SRGAP3: variants seen among roughly 807,000 people sequenced by gnomAD.
The protein encoded by SRGAP3 is SLIT-ROBO Rho GTPase-activating protein 3.
A neutral mutation model predicts 121.1 loss-of-function variants in SRGAP3; 39 were observed. The ratio of observed to expected loss-of-function variants is 0.32; its 90% confidence interval spans 0.25 to 0.42. The LOEUF (loss-of-function observed/expected upper bound fraction) is 0.42, where lower values mean the gene tolerates loss of function less well. Among genes scored for constraint, SRGAP3 ranks in the 10% least tolerant of loss-of-function variants. SRGAP3 has a pLI of 1.00. For missense variants in SRGAP3, 1,213 were observed against 1,470.6 expected, an observed-to-expected ratio of 0.82 and a Z score of 2.86; for synonymous variants, 601 against 570.0, an observed-to-expected ratio of 1.05 and a Z score of -0.77.
chr3:9,202,214 G>C (rs1416329437), intron 1 of SRGAP3, among the ~76,000 whole-genome samples: 1 of 152,222 alleles, frequency 6.6e-6, no homozygotes, highest in Admixed American at 6.5e-5. Context: ...GCTATGGCGG[G>C]AGCAGCAGCC....
At chr3:9,019,034 T>C (rs562268413) in intron 14 of SRGAP3, among the ~76,000 whole-genome samples, 13 of 152,234 alleles carry the variant, frequency 8.5e-5, no homozygotes, top group Non-Finnish European at 1.8e-4. Flanking sequence ...CACAGAGATC[T>C]TCCTCTATTT....
At chr3:9,271,945 G>T (rs554304629) in intron 3 of SRGAP3, among the ~76,000 whole-genome samples, 1 of 152,140 alleles carries the variant, frequency 6.6e-6, no homozygotes, top group Non-Finnish European at 1.5e-5. Context: ...AATTATAGTC[G>T]TTCTGGAATA....
At chr3:9,260,621 A>C (rs1196129005) in intron 3 of SRGAP3, among the ~76,000 whole-genome samples, 2 of 152,360 alleles carry the variant, frequency 1.3e-5, no homozygotes, top group East Asian at 3.9e-4. Context: ...TGGGCAGGGC[A>C]TCTCTGAAAG....
chr3:9,321,496 T>C (rs954631225), intron 3 of SRGAP3, among the ~76,000 whole-genome samples: 2 of 151,902 alleles, frequency 1.3e-5, no homozygotes, highest in Non-Finnish European at 2.9e-5. Flanking sequence ...GCATCAGGAC[T>C]GAGTGAAAAA....
At chr3:9,349,562 T>A (rs1178424608) in intron 1 of SRGAP3, 1 of 178,772 alleles carries the variant, frequency 5.6e-6, no homozygotes, top group African/African-American at 2.4e-5. Context: ...GTTAAGCCAC[T>A]GCCTGGGGGC....
chr3:9,106,130 G>C (rs1186892425), intron 2 of SRGAP3, among the ~76,000 whole-genome samples: 1 of 152,180 alleles, frequency 6.6e-6, no homozygotes, highest in African/African-American at 2.4e-5. Flanking sequence ...ATCTGTATTT[G>C]CCAAAGACCC....
intron 5 of SRGAP3, 69 bp from the exon 6 acceptor site, chr3:9,060,428 C>CA (rs763413064): frequency 1.7e-6 from 2 of 1,176,824 alleles, no homozygotes; most frequent in East Asian, 3.2e-5. Context: ...TTTTCTATTC[C>CA]TTTTTTTTTT....
At chr3:9,121,124 A>G (rs973427709) in intron 2 of SRGAP3, among the ~76,000 whole-genome samples, 2 of 152,200 alleles carry the variant, frequency 1.3e-5, no homozygotes, top group African/African-American at 4.8e-5. Flanking sequence ...AAAGTGGACT[A>G]GATAGACCAA....
rs150853659 is a variant in SRGAP3 at position 9,269,655 on chromosome 3, G to T, written n.442+56355C>A. ...TCATGCTGTGTGGGGATGAGAGGGA[G>T]TAAGGAGGCCTTTCACAAATGTGGT... On this transcript the variant is annotated intron_variant and non_coding_transcript_variant, in intron 3 of 3. Coordinates refer to the SRGAP3 transcript ENST00000490889. Among the ~76,000 whole-genome samples, 131 of 152,320 alleles carry T rather than the reference G, an allele frequency of 8.6e-4. 1 individual carries two copies. The highest frequency in any genetic ancestry group is 3.0e-3 in the African/African-American group (124 of 41,552).
chr3:9,232,089 T>C (rs1953231509), intron 1 of SRGAP3, among the ~76,000 whole-genome samples: 3 of 152,208 alleles, frequency 2.0e-5, no homozygotes, highest in African/African-American at 7.2e-5. Flanking sequence ...ACTTCCTCAC[T>C]GCGTGGGGGA....
intron 1 of SRGAP3, among the ~76,000 whole-genome samples, chr3:9,170,134 G>A (rs905865879): frequency 2.6e-5 from 4 of 152,164 alleles, no homozygotes; most frequent in Non-Finnish European, 5.9e-5. Flanking sequence ...TTTGATCACT[G>A]CCGTTTAGAC....
At chr3:9,186,611 C>T (rs1354485276) in intron 1 of SRGAP3, among the ~76,000 whole-genome samples, 3 of 152,134 alleles carry the variant, frequency 2.0e-5, no homozygotes, top group African/African-American at 4.8e-5. Context: ...GGGAACCTGA[C>T]CTTCAGAGAA....
chr3:9,128,246 T>C (rs1053949835), intron 1 of SRGAP3, among the ~76,000 whole-genome samples: 1 of 152,220 alleles, frequency 6.6e-6, no homozygotes, highest in Non-Finnish European at 1.5e-5. Flanking sequence ...TAATGATTTA[T>C]CAAATGTGTA....
chr3:9,294,550 C>A (rs945467815), intron 3 of SRGAP3, among the ~76,000 whole-genome samples: 269 of 125,372 alleles, frequency 2.1e-3, no homozygotes, highest in African/African-American at 5.8e-3. Flanking sequence ...AACAAACAAA[C>A]AAAAAAAAAC....
chr3:9,027,987 G>T, intron 12 of SRGAP3: 1 of 1,275,074 alleles, frequency 7.8e-7, no homozygotes, highest in South Asian at 1.2e-5. Context: ...CCAGGGACAG[G>T]ACAAGAATAT....
chr3:9,126,577 T>C (rs1233937165), intron 1 of SRGAP3, among the ~76,000 whole-genome samples: 1 of 151,956 alleles, frequency 6.6e-6, no homozygotes, highest in South Asian at 2.1e-4. Context: ...TTGCACGCCA[T>C]TGCACTCCAG....
rs199643153 is a variant in SRGAP3 at position 8,990,602 on chromosome 3, G to A, written c.2796C>T (p.Ser932=). ...SINYPDKKAL[S]EGHSMRSTCG... ...AGGTCGACCTCATCGAGTGCCCTTC[G>A]GAGAGCGCCTTCTTGTCAGGGTAGT... Residue 932 remains serine (S), a synonymous_variant, in exon 21 of 22, where the codon TCC becomes TCT. Coordinates refer to ENST00000383836, the MANE Select transcript of SRGAP3 (RefSeq NM_014850.4). 49 of 1,608,606 alleles carry A rather than the reference G, an allele frequency of 3.0e-5. No homozygotes were observed. Among genetic ancestry groups the A allele is most frequent in the East Asian group, 1.6e-4 (7 of 44,632 alleles).
At chr3:9,000,113 T>G (rs536354554) in intron 18 of SRGAP3, among the ~76,000 whole-genome samples, 1 of 152,342 alleles carries the variant, frequency 6.6e-6, no homozygotes, top group African/African-American at 2.4e-5. Flanking sequence ...CTTTACCATC[T>G]TCTAGTCACA....
intron 1 of SRGAP3, among the ~76,000 whole-genome samples, chr3:9,346,044 G>A (rs1955884916): frequency 6.6e-6 from 1 of 152,104 alleles, no homozygotes. Context: ...ATTATTAACT[G>A]TAATTAAAAT....
Sources: allele counts gnomAD v4.1 joint callset (sites outside exome capture counted in the v4.1 genomes callset), GRCh38; gene constraint gnomAD v4.1.1; transcripts MANE v1.5; gene names NCBI Gene and HGNC (gene_info 2026-07-23, HGNC 2026-07-21).